The following ROBO1 variants were observed in gnomAD, a reference collection of about 807,000 sequenced individuals.
ROBO1 encodes the protein roundabout guidance receptor 1.
Under a neutral mutation model 195.9 loss-of-function variants are expected in ROBO1, and 149 were observed. The ratio of observed to expected loss-of-function variants is 0.76; its 90% CI spans 0.67 to 0.87. The LOEUF (loss-of-function observed/expected upper bound fraction) is 0.87. Ranked by LOEUF, ROBO1 falls within the 40% of genes least tolerant of loss-of-function variation. The probability of loss-of-function intolerance (pLI) is 0.00; values close to 1 mark genes in which losing one functional copy is unlikely to be tolerated. For synonymous variants in ROBO1, 816 were observed against 733.2 expected (o/e 1.11, Z -1.82); for missense variants, 1,933 against 2,068.3 (o/e 0.93, Z 1.27).
chr3:79,722,820 A>G (rs774227025), intron 1 of ROBO1, among the ~76,000 whole-genome samples: 3 of 152,136 alleles, frequency 2.0e-5, no homozygotes, highest in African/African-American at 4.8e-5. Context: ...CAGCATCTAT[A>G]TATGTGTAAT....
At chr3:79,272,344 A>G (rs1328815093) in intron 2 of ROBO1, among the ~76,000 whole-genome samples, 2 of 152,038 alleles carry the variant, frequency 1.3e-5, no homozygotes, top group African/African-American at 4.8e-5. Context: ...CAGCTGGGAG[A>G]TGATGGAGCA....
chr3:78,911,994 T>C (rs1315113129), intron 4 of ROBO1, among the ~76,000 whole-genome samples: 1 of 151,988 alleles, frequency 6.6e-6, no homozygotes, highest in South Asian at 2.1e-4. Flanking sequence ...TAAAATGAAA[T>C]TTAACAAAAA....
At chr3:78,776,349 T>C (rs904001160) in intron 4 of ROBO1, among the ~76,000 whole-genome samples, 2 of 152,154 alleles carry the variant, frequency 1.3e-5, no homozygotes, top group African/African-American at 2.4e-5. Flanking sequence ...CCTCCCGGGT[T>C]CAAGTGATTC....
chr3:79,103,013 C>T (rs944780162), intron 3 of ROBO1, among the ~76,000 whole-genome samples: 4 of 151,566 alleles, frequency 2.6e-5, no homozygotes, highest in Non-Finnish European at 5.9e-5. Context: ...TCGAAGAGTT[C>T]GTCTAATATG....
rs368110549 is a variant in ROBO1, at chr3:79,303,159, G to GTTTTTTTTTTTTTTTTTTT, written c.89-177621_89-177620insAAAAAAAAAAAAAAAAAAA. On this transcript the variant is annotated intron_variant, in intron 2 of 30. Coordinates refer to ENST00000464233, the MANE Select transcript of ROBO1 (RefSeq NM_002941.4). ...ATTAATATATGAATTATCTCACATA[G>GTTTTTTTTTTTTTTTTTTT]GTTTTTTTTTTTTTTTTTTTTTTTG... Among the ~76,000 whole-genome samples the GTTTTTTTTTTTTTTTTTTT allele has an allele frequency of 6.9e-5, 5 of 72,090 alleles. 2 individuals carry two copies. Among genetic ancestry groups the GTTTTTTTTTTTTTTTTTTT allele is most frequent in the African/African-American group, 6.4e-5 (1 of 15,670 alleles). 47.3% of individuals were successfully genotyped at this position (72,090 alleles called of 152,430 possible).
At position 79,370,384 on chromosome 3, in the gene ROBO1, CAACT is replaced by C. The variant is rs1421067513; in HGVS notation, c.88+219436_88+219439del. 3.3e-5 allele frequency among the ~76,000 whole-genome samples: 5 copies of C among 151,788 alleles called. No homozygotes were observed. The East Asian group carries it at 7.7e-4, about 23-fold the overall frequency. The stretch of plus-strand genomic sequence containing the variant: ...TAAAAAAAAAAGTTCCTTTAAAACA[CAACT>C]AACTTTTTCATGTTATTCTCCATAT... On this transcript the variant is annotated intron_variant, in intron 2 of 30. Transcript: ENST00000464233.
chr3:79,053,531 A>G (rs1427187759), intron 3 of ROBO1, among the ~76,000 whole-genome samples: 2 of 151,366 alleles, frequency 1.3e-5, no homozygotes, highest in African/African-American at 2.4e-5. Context: ...GCCCTCCCCC[A>G]TCCACTTCAG....
At chr3:78,890,816 C>CTA (rs2036845819) in intron 4 of ROBO1, among the ~76,000 whole-genome samples, 1 of 152,092 alleles carries the variant, frequency 6.6e-6, no homozygotes, top group Non-Finnish European at 1.5e-5. Flanking sequence ...GACTGGAGTG[C>CTA]TATAGCACAA....
chr3:79,155,792 GGTCTTAACCAAATT>G (rs1239827036), intron 2 of ROBO1, among the ~76,000 whole-genome samples: 1 of 151,668 alleles, frequency 6.6e-6, no homozygotes. Flanking sequence ...CAGAGTCCCA[GGTCTTAACCAAATT>G]GTCTTGCAAA....
intron 3 of ROBO1, among the ~76,000 whole-genome samples, chr3:79,098,304 C>A (rs2079608898): frequency 6.6e-6 from 1 of 151,778 alleles, no homozygotes; most frequent in Non-Finnish European, 1.5e-5. Flanking sequence ...AATCCTCATG[C>A]AGAATTTTAA....
intron 4 of ROBO1, among the ~76,000 whole-genome samples, chr3:78,815,856 T>C (rs1175082340): frequency 1.3e-5 from 2 of 152,172 alleles, no homozygotes; most frequent in Non-Finnish European, 2.9e-5. Flanking sequence ...AACCCGTCAG[T>C]GTCATTCATG....
chr3:78,746,384 A>G (rs1257461282), intron 5 of ROBO1, among the ~76,000 whole-genome samples: 2 of 152,214 alleles, frequency 1.3e-5, no homozygotes, highest in Non-Finnish European at 2.9e-5. Context: ...GGCCTTCTGG[A>G]AACATACTAA....
At chr3:79,502,987 G>C (rs751854915) in intron 2 of ROBO1, among the ~76,000 whole-genome samples, 2 of 152,150 alleles carry the variant, frequency 1.3e-5, no homozygotes, top group Non-Finnish European at 2.9e-5. Context: ...AGCAGGATGT[G>C]GGTGGCACCA....
rs572986168 is a variant in ROBO1 at position 79,506,139 on chromosome 3, TATTA to T, written c.88+83681_88+83684del. On this transcript the variant is annotated intron_variant, in intron 2 of 30. Coordinates refer to ENST00000464233, the MANE Select transcript of ROBO1 (RefSeq NM_002941.4). ...CAGGTTTATTTATTTATTATTATTATATTAATTATTTTTAATATGGCAAGTGTTT... is the reference window on the plus strand; with the variant it reads ...CAGGTTTATTTATTTATTATTATTATATTATTTTTAATATGGCAAGTGTTT... Among the ~76,000 whole-genome samples the T allele has an allele frequency of 6.5e-4, 99 of 152,026 alleles. No homozygotes were observed. In the South Asian group the frequency reaches 0.014, roughly 22 times the overall value.
chr3:79,042,390 C>G (rs905678143), intron 3 of ROBO1, among the ~76,000 whole-genome samples: 3 of 152,062 alleles, frequency 2.0e-5, no homozygotes, highest in Non-Finnish European at 4.4e-5. Context: ...AGCTGAGAGT[C>G]AGAAAGGTAA....
chr3:78,701,492 A>G (rs2081420486), intron 8 of ROBO1, among the ~76,000 whole-genome samples: 1 of 152,202 alleles, frequency 6.6e-6, no homozygotes, highest in Non-Finnish European at 1.5e-5. Flanking sequence ...TGAAAATTTC[A>G]ACAATCTAGC....
chr3:79,259,376 G>T (rs183256558), intron 2 of ROBO1, among the ~76,000 whole-genome samples: 1 of 152,202 alleles, frequency 6.6e-6, no homozygotes, highest in Non-Finnish European at 1.5e-5. Flanking sequence ...CTGGGCTCAA[G>T]TTATCTGCCC....
chr3:79,450,151 G>T (rs375852363), intron 2 of ROBO1, among the ~76,000 whole-genome samples: 50 of 151,872 alleles, frequency 3.3e-4, no homozygotes, highest in African/African-American at 3.1e-4. Flanking sequence ...CTGGGGTAAG[G>T]ATAGGCATAT....
intron 2 of ROBO1, among the ~76,000 whole-genome samples, chr3:79,501,428 A>G (rs1479931947): frequency 6.6e-6 from 1 of 152,222 alleles, no homozygotes; most frequent in East Asian, 1.9e-4. Context: ...CTGAGGGAAT[A>G]AAATATTAAA....
Sources: allele counts gnomAD v4.1 joint callset (sites outside exome capture counted in the v4.1 genomes callset), GRCh38; gene constraint gnomAD v4.1.1; transcripts MANE v1.5; gene names NCBI Gene and HGNC (gene_info 2026-07-23, HGNC 2026-07-21).